Variants in HERC1 observed in about 807,000 individuals in gnomAD.
The protein encoded by HERC1 is HECT and RLD domain containing E3 ubiquitin protein ligase family member 1.
A neutral mutation model predicts 554.3 loss-of-function variants in HERC1; 160 were observed. That is an observed-to-expected ratio of 0.29 (90% CI 0.25 to 0.33). The LOEUF is 0.33. Among genes scored for constraint, HERC1 ranks in the 10% least tolerant of loss-of-function variants. The pLI, the probability that HERC1 is intolerant of heterozygous loss-of-function variation, is 1.00. For missense variants in HERC1, 4,919 were observed against 5,918.5 expected, an observed-to-expected ratio of 0.83 and a Z score of 5.54; for synonymous variants, 2,175 against 2,131.7, an observed-to-expected ratio of 1.02 and a Z score of -0.56.
intron 63 of HERC1, among the ~76,000 whole-genome samples, 196 bp from the exon 64 acceptor site, chr15:63,637,839 T>G (rs1252128330): frequency 2.6e-5 from 4 of 152,014 alleles, no homozygotes; most frequent in Non-Finnish European, 5.9e-5. Context: ...AACCAAGAGA[T>G]GTATGAGATT....
intron 70 of HERC1, among the ~76,000 whole-genome samples, chr15:63,627,330 T>A (rs926776999): frequency 6.6e-6 from 1 of 152,052 alleles, no homozygotes; most frequent in Non-Finnish European, 1.5e-5. Flanking sequence ...TCAGGGAAAT[T>A]CTAGTGCCTT....
intron 1 of HERC1, among the ~76,000 whole-genome samples, chr15:63,788,533 T>C (rs1253834095): frequency 1.3e-5 from 2 of 152,284 alleles, no homozygotes; most frequent in Non-Finnish European, 2.9e-5. Flanking sequence ...AAAGTAACAA[T>C]AGCAAAACTT....
At chr15:63,717,927 A>C (rs2073635458) in intron 21 of HERC1, among the ~76,000 whole-genome samples, 1 of 152,198 alleles carries the variant, frequency 6.6e-6, no homozygotes. Flanking sequence ...AGACAACTCT[A>C]ATCATCAGAA....
At chr15:63,685,898 G>A (rs766437424) in intron 34 of HERC1, among the ~76,000 whole-genome samples, 1 of 152,156 alleles carries the variant, frequency 6.6e-6, no homozygotes, top group African/African-American at 2.4e-5. Context: ...TATCTAGATT[G>A]TACAAACAAT....
intron 19 of HERC1, among the ~76,000 whole-genome samples, chr15:63,720,059 T>C (rs751611702): frequency 2.0e-5 from 3 of 147,630 alleles, no homozygotes; most frequent in African/African-American, 5.0e-5. Context: ...AAAACCGAAA[T>C]CACAACATTA....
At chr15:63,693,883 A>C in intron 30 of HERC1, 81 bp downstream of exon 30, 6 of 1,371,232 alleles carry the variant, frequency 4.4e-6, no homozygotes, top group Non-Finnish European at 4.9e-6. Context: ...AGGAAGAGGA[A>C]CTCTACATCC....
chr15:63,813,714 G>A (rs957744564), intron 1 of HERC1, among the ~76,000 whole-genome samples: 1 of 152,120 alleles, frequency 6.6e-6, no homozygotes, highest in African/African-American at 2.4e-5. Context: ...GTTTCTGTAT[G>A]TACCATTTTA....
In HERC1 at chr15:63,662,078, T is replaced by A. The variant is rs2070385876; in HGVS notation, c.8902-57A>T. On this transcript the variant is annotated intron_variant, in intron 44 of 77. Coordinates refer to ENST00000443617, the MANE Select transcript of HERC1 (RefSeq NM_003922.4). ...GTCAATTTAACATAAAACCAAGAAGTACCAAGTAGATTATTTATATTAAAT... is the reference window on the plus strand; with the variant it reads ...GTCAATTTAACATAAAACCAAGAAGAACCAAGTAGATTATTTATATTAAAT... 13 of 1,498,144 alleles carry A rather than the reference T, an allele frequency of 8.7e-6. No individual in the cohort carries two copies. In the South Asian group the frequency reaches 1.6e-4, roughly 18 times the overall value. The allele number at this position is 1,498,144 out of a possible 1,614,324, so 92.8% of individuals were successfully genotyped here. A position where few individuals can be genotyped will look rare whatever the true frequency, so the allele number is the denominator to read the frequency against.
rs1392647303 is a variant in HERC1, at chr15:63,637,520, T to C, written c.12217A>G (p.Ile4073Val). The part of the protein sequence containing the change: ...NSDDLHVLTV[I>V]SALQGFVVTQ... The stretch of plus-strand genomic sequence containing the variant: ...ACAATTTTACCTTGTAAGGCTGAAA[T>C]AACTGTCAGCACATGAAGGTCATCT... The change falls in exon 64 of 78, where the codon ATT becomes GTT. Residue 4073 changes from isoleucine to valine, a missense_variant. Physicochemically the swap from Ile to Val is conservative, Grantham distance 29 (BLOSUM62 3). Coordinates refer to ENST00000443617, the MANE Select transcript of HERC1 (RefSeq NM_003922.4). 3.2e-6 allele frequency: 5 copies of C among 1,568,850 alleles called. No homozygotes were observed. The Admixed American group carries it at 7.5e-5, about 24-fold the overall frequency.
intron 68 of HERC1, among the ~76,000 whole-genome samples, chr15:63,631,013 G>A (rs1009520703): frequency 6.6e-5 from 10 of 152,106 alleles, no homozygotes; most frequent in African/African-American, 2.2e-4. Context: ...TCGCTCTGTC[G>A]CCCAGACTGG....
Position 63,749,386 on chromosome 15 carries a change from T to A in HERC1, c.2200A>T (p.Thr734Ser). ...SAGTSHSLAW[T>S]ALPRDRQVVA... ...TCTTACCTGTCCCTAGGAAGAGCAG[T>A]CCATGCCAGACTATGTGATGTTCCA... The change falls in exon 10 of 78, where the codon ACT becomes TCT. Residue 734 changes from threonine (T) to serine (S), a missense_variant. This residue lies in a region of HERC1 where 744 missense variants were observed against 1,090.0 expected (regional missense o/e 0.68). Transcript: ENST00000443617. This position sits in a 1 kb window ranked among gnomAD's most constrained non-coding sequence, Gnocchi z 4.1. 2 of 1,612,434 alleles carry A rather than the reference T, an allele frequency of 1.2e-6. No homozygotes were observed. Among genetic ancestry groups the A allele is most frequent in the Non-Finnish European group, 1.7e-6 (2 of 1,179,328 alleles).
rs762177239 is a variant in HERC1, at chr15:63,758,156, A to G, written c.1221+19T>C. The G allele has an allele frequency of 1.9e-6, 3 of 1,563,280 alleles. No individual in the cohort carries two copies. Among genetic ancestry groups the G allele is most frequent in the Admixed American group, 1.7e-5 (1 of 58,822 alleles). On this transcript the variant is annotated intron_variant, in intron 4 of 77. Coordinates refer to ENST00000443617, the MANE Select transcript of HERC1 (RefSeq NM_003922.4). The surrounding 1 kb of genome is among the most constrained non-coding windows in gnomAD (Gnocchi z 4.0). ...ACACCAGATTATCTACCAGTTTGTAAGCTATTTAGAAAACTTACGGTCTGT... is the reference window on the plus strand; with the variant it reads ...ACACCAGATTATCTACCAGTTTGTAGGCTATTTAGAAAACTTACGGTCTGT...
intron 8 of HERC1, chr15:63,752,742 A>T (rs2075293173): frequency 2.3e-6 from 1 of 436,832 alleles, no homozygotes; most frequent in East Asian, 3.6e-5. Context: ...CAAAGAACAG[A>T]GGCTCCACTA....
intron 34 of HERC1, among the ~76,000 whole-genome samples, chr15:63,685,446 T>C (rs1336982257): frequency 6.6e-6 from 1 of 152,284 alleles, no homozygotes; most frequent in East Asian, 1.9e-4. Flanking sequence ...ATATTTCTTG[T>C]GTGTGCACCT....
intron 12 of HERC1, among the ~76,000 whole-genome samples, chr15:63,736,372 A>G (rs1301082182): frequency 6.6e-6 from 1 of 152,138 alleles, no homozygotes; most frequent in Non-Finnish European, 1.5e-5. Flanking sequence ...AGACTTCTAA[A>G]CTCTTTTTCC....
At chr15:63,833,753 G>GCGCACACACACACACACACACA (rs1340096449) in intron 1 of HERC1, 74 bp downstream of exon 1, 31 of 46,488 alleles carry the variant, frequency 6.7e-4, no homozygotes, top group African/African-American at 1.5e-3. Flanking sequence ...ACGCGCGCGC[G>GCGCACACACACACACACACACA]CACACACACA....
At position 63,661,769 on chromosome 15, in the gene HERC1, A is replaced by C. The variant is rs370044211; in HGVS notation, c.9154T>G (p.Ser3052Ala). ...TCAAGGTACCTTTCAGAACTTGTTG[A>C]CTTAGATTTGGTCTTCATGGCTAAG... ...KYLAMKTKSKSTSSERYKGQA... is the reference protein window; with the variant it reads ...KYLAMKTKSKATSSERYKGQA... The change falls in exon 45 of 78, where the codon TCA becomes GCA. Residue 3052 changes from serine to alanine, a missense_variant. By Grantham distance (99) the Ser-to-Ala change is moderately conservative. This residue lies in a region of HERC1 where 1,963 missense variants were observed against 2,228.6 expected (regional missense o/e 0.88). Transcript: ENST00000443617. 61 of 1,613,950 alleles carry C rather than the reference A, an allele frequency of 3.8e-5. No individual in the cohort carries two copies. Among genetic ancestry groups the C allele is most frequent in the Non-Finnish European group, 5.0e-5 (59 of 1,179,868 alleles).
At chr15:63,720,257 C>A (rs1376033422) in intron 19 of HERC1, among the ~76,000 whole-genome samples, 1 of 151,726 alleles carries the variant, frequency 6.6e-6, no homozygotes, top group African/African-American at 2.4e-5. Context: ...GCATGAGCTA[C>A]CACACTCGGC....
chr15:63,828,780 C>T (rs1232460331), intron 1 of HERC1, among the ~76,000 whole-genome samples: 1 of 152,084 alleles, frequency 6.6e-6, no homozygotes, highest in African/African-American at 2.4e-5. Flanking sequence ...AACAAATGAA[C>T]TTAATGCATT....
Sources: allele counts gnomAD v4.1 joint callset (sites outside exome capture counted in the v4.1 genomes callset), GRCh38; gene constraint gnomAD v4.1.1; regional missense constraint gnomAD v4.1.1; non-coding constraint Gnocchi (gnomAD v3.1); transcripts MANE v1.5; gene names NCBI Gene and HGNC (gene_info 2026-07-23, HGNC 2026-07-21).